RBFOX2: variants seen among roughly 807,000 people sequenced by gnomAD.
The protein encoded by RBFOX2 is RNA binding protein fox-1 homolog 2.
A neutral mutation model predicts 49.1 loss-of-function variants in RBFOX2; 10 were observed. The observed-to-expected ratio is 0.20, with a 90% CI of 0.13 to 0.35. RBFOX2 has a LOEUF of 0.35. Ranked by LOEUF, RBFOX2 falls within the 10% of genes least tolerant of loss-of-function variation. The pLI, the probability that RBFOX2 is intolerant of heterozygous loss-of-function variation, is 1.00. For missense variants in RBFOX2, 323 were observed against 486.9 expected (o/e 0.66, Z 3.17); for synonymous variants, 183 against 187.4 (o/e 0.98, Z 0.19).
At chr22:35,831,164 C>A (rs1956720801) in intron 1 of RBFOX2, among the ~76,000 whole-genome samples, 1 of 152,180 alleles carries the variant, frequency 6.6e-6, no homozygotes, top group African/African-American at 2.4e-5. Context: ...AGTTAAGAGG[C>A]CAGGCACGGT....
intron 1 of RBFOX2, among the ~76,000 whole-genome samples, chr22:36,016,412 T>C (rs1034021373): frequency 3.9e-5 from 6 of 151,984 alleles, no homozygotes; most frequent in Non-Finnish European, 8.8e-5. Flanking sequence ...CCATCCCTCA[T>C]GATAAATCAT....
chr22:35,948,280 T>A (rs2054539078), intron 1 of RBFOX2, among the ~76,000 whole-genome samples: 2 of 152,218 alleles, frequency 1.3e-5, no homozygotes, highest in Admixed American at 1.3e-4. Context: ...CTGTCATCAA[T>A]TCCTGTTTGG....
intron 1 of RBFOX2, among the ~76,000 whole-genome samples, chr22:35,948,211 C>T (rs1363512670): frequency 6.6e-6 from 1 of 152,092 alleles, no homozygotes; most frequent in African/African-American, 2.4e-5. Context: ...AACAAAAGGC[C>T]GTATCACACA....
intron 1 of RBFOX2, among the ~76,000 whole-genome samples, chr22:35,880,088 G>A (rs1451634104): frequency 1.3e-5 from 2 of 152,150 alleles, no homozygotes; most frequent in African/African-American, 2.4e-5. Context: ...CCTGAGAGGC[G>A]GAGGTTGCAG....
chr22:35,895,483 A>G (rs1394380725), intron 1 of RBFOX2, among the ~76,000 whole-genome samples: 1 of 152,168 alleles, frequency 6.6e-6, no homozygotes, highest in Non-Finnish European at 1.5e-5. Flanking sequence ...GCTTGACACC[A>G]CTATTCTTTA....
chr22:35,777,791 T>C, intron 4 of RBFOX2: 3 of 519,200 alleles, frequency 5.8e-6, no homozygotes, highest in East Asian at 3.1e-5. Flanking sequence ...CGTCCCACTC[T>C]TCCCTCAACC....
Position 35,830,936 on chromosome 22 carries a change from A to G in RBFOX2, c.27+9256T>C, listed in dbSNP as rs548852123. Among the ~76,000 whole-genome samples the G allele has an allele frequency of 4.3e-4, 66 of 152,258 alleles. 1 individual carries two copies. The South Asian group carries it at 0.013, about 31-fold the overall frequency. On this transcript the variant is annotated intron_variant, in intron 1 of 11. Coordinates refer to ENST00000405409, the Ensembl canonical transcript of RBFOX2. ...GAGAGCAAATCAGGGGATTCATTCT[A>G]TTATAAAAGGGATCCATCATGACCT...
chr22:35,956,280 A>G (rs2055545633), intron 1 of RBFOX2, among the ~76,000 whole-genome samples: 1 of 152,222 alleles, frequency 6.6e-6, no homozygotes, highest in South Asian at 2.1e-4. Context: ...CAAGTTTTCC[A>G]AAACTCTAGT....
intron 9 of RBFOX2, among the ~76,000 whole-genome samples, chr22:35,757,531 T>A (rs1006145590): frequency 2.0e-5 from 3 of 152,218 alleles, no homozygotes; most frequent in Non-Finnish European, 4.4e-5. Context: ...CATCAAATCA[T>A]ATTTTTAACT....
chr22:35,977,070 T>C (rs1248853546), intron 1 of RBFOX2, among the ~76,000 whole-genome samples: 2 of 151,222 alleles, frequency 1.3e-5, no homozygotes, highest in Non-Finnish European at 2.9e-5. Flanking sequence ...CTGACAAATA[T>C]GCAAATGAAA....
intron 1 of RBFOX2, among the ~76,000 whole-genome samples, chr22:35,945,143 T>C (rs1361655313): frequency 1.3e-5 from 2 of 152,122 alleles, no homozygotes; most frequent in African/African-American, 2.4e-5. Context: ...ACTTGGGTAA[T>C]GGGTACGAGC....
At chr22:35,884,969 A>ATC (rs935352557) in intron 1 of RBFOX2, among the ~76,000 whole-genome samples, 2 of 152,154 alleles carry the variant, frequency 1.3e-5, no homozygotes, top group African/African-American at 4.8e-5. Context: ...TTGTTTTCTT[A>ATC]TCTCTTCCAA....
intron 1 of RBFOX2, among the ~76,000 whole-genome samples, chr22:36,019,902 A>C (rs1225923159): frequency 6.6e-6 from 1 of 152,176 alleles, no homozygotes; most frequent in Non-Finnish European, 1.5e-5. Flanking sequence ...ACTACTTTGA[A>C]GTTCATATAG....
intron 1 of RBFOX2, among the ~76,000 whole-genome samples, chr22:36,001,224 C>T (rs1027531600): frequency 3.1e-4 from 38 of 123,210 alleles, no homozygotes; most frequent in South Asian, 7.6e-4. Context: ...CACACACACA[C>T]ACACACACAC....
chr22:35,820,416 T>C (rs536473476), intron 1 of RBFOX2, among the ~76,000 whole-genome samples: 1 of 152,302 alleles, frequency 6.6e-6, no homozygotes, highest in South Asian at 2.1e-4. Context: ...GCTTTTCTCC[T>C]TTCTACTCAT....
At chr22:35,875,584 G>A (rs1464433841) in intron 1 of RBFOX2, among the ~76,000 whole-genome samples, 1 of 149,292 alleles carries the variant, frequency 6.7e-6, no homozygotes, top group Non-Finnish European at 1.5e-5. Context: ...ACCATCAACT[G>A]CGAATTAATA....
At chr22:35,860,823 A>G (rs1175141351) in intron 1 of RBFOX2, among the ~76,000 whole-genome samples, 1 of 152,210 alleles carries the variant, frequency 6.6e-6, no homozygotes, top group Admixed American at 6.5e-5. Flanking sequence ...TCAACACAGT[A>G]TATCTCTCCA....
At chr22:35,812,600 T>C (rs1952124738) in intron 1 of RBFOX2, among the ~76,000 whole-genome samples, 1 of 152,174 alleles carries the variant, frequency 6.6e-6, no homozygotes, top group Admixed American at 6.5e-5. Flanking sequence ...GGAATTCAGG[T>C]GGACTGGTGA....
chr22:36,003,127 C>A (rs1262598237), intron 1 of RBFOX2, among the ~76,000 whole-genome samples: 1 of 152,220 alleles, frequency 6.6e-6, no homozygotes, highest in African/African-American at 2.4e-5. Flanking sequence ...CTGGTAACCC[C>A]TTCTCTGTTC....
Sources: gnomAD v4.1 joint callset for allele counts (sites outside exome capture counted in the v4.1 genomes callset) on GRCh38, gnomAD v4.1.1 for gene constraint, MANE v1.5 for transcripts, NCBI Gene and HGNC (gene_info 2026-07-23, HGNC 2026-07-21) for gene names.